The following PHF14 variants were observed in gnomAD, a reference collection of about 807,000 sequenced individuals.
PHF14 encodes the protein PHD finger protein 14.
PHF14 carries 55 observed loss-of-function variants against 117.9 expected under a neutral mutation model. The ratio of observed to expected loss-of-function variants is 0.47; its 90% CI spans 0.38 to 0.58. The LOEUF is 0.58. PHF14 is among the 20% of genes least tolerant of loss of function. The probability of loss-of-function intolerance (pLI) is 0.00; values close to 1 mark genes in which losing one functional copy is unlikely to be tolerated. For missense variants in PHF14, 978 were observed against 1,122.2 expected (o/e 0.87, Z 1.84); for synonymous variants, 409 against 368.6 (o/e 1.11, Z -1.26).
intron 4 of PHF14, among the ~76,000 whole-genome samples, chr7:11,010,391 T>C (rs1203367853): frequency 1.3e-5 from 2 of 152,082 alleles, no homozygotes; most frequent in African/African-American, 4.8e-5. Flanking sequence ...TTAAAGAAAT[T>C]AATGAGTTTT....
At chr7:11,165,018 G>C (rs1186564839) in intron 17 of PHF14, among the ~76,000 whole-genome samples, 2 of 152,058 alleles carry the variant, frequency 1.3e-5, no homozygotes, top group Non-Finnish European at 2.9e-5. Flanking sequence ...TCCACCTCCT[G>C]GGTTCAAGCG....
chr7:10,991,907 G>GTT (rs1048504850), intron 4 of PHF14, among the ~76,000 whole-genome samples: 32 of 137,720 alleles, frequency 2.3e-4, no homozygotes, highest in African/African-American at 8.5e-4. Flanking sequence ...CTTATTTCCA[G>GTT]TTTTTTTTTT....
chr7:11,016,525 A>C (rs576120057), intron 5 of PHF14, among the ~76,000 whole-genome samples: 1 of 152,276 alleles, frequency 6.6e-6, no homozygotes, highest in East Asian at 1.9e-4. Flanking sequence ...TTTATATCTT[A>C]TGGAGAGTAA....
intron 17 of PHF14, among the ~76,000 whole-genome samples, chr7:11,144,170 C>T (rs1282867296): frequency 6.6e-6 from 1 of 152,068 alleles, no homozygotes; most frequent in African/African-American, 2.4e-5. Context: ...GATGAGATTT[C>T]TCATCCCAGT....
intron 17 of PHF14, among the ~76,000 whole-genome samples, chr7:11,128,277 C>A (rs575093480): frequency 1.3e-5 from 2 of 152,090 alleles, no homozygotes; most frequent in Admixed American, 1.3e-4. Context: ...GTTTTATTCC[C>A]AGCAGACTTA....
At chr7:11,064,588 A>AT (rs1785360700) in intron 16 of PHF14, among the ~76,000 whole-genome samples, 2 of 152,046 alleles carry the variant, frequency 1.3e-5, no homozygotes, top group East Asian at 1.9e-4. Context: ...AGCAGTTTTG[A>AT]TTTTTTAAAC....
At chr7:11,148,346 T>C (rs775178065) in intron 17 of PHF14, among the ~76,000 whole-genome samples, 1 of 152,208 alleles carries the variant, frequency 6.6e-6, no homozygotes, top group Non-Finnish European at 1.5e-5. Flanking sequence ...CTGTCCCTTC[T>C]GCTGCTAATA....
chr7:11,133,479 T>A (rs1583491294), intron 17 of PHF14, among the ~76,000 whole-genome samples: 1 of 151,920 alleles, frequency 6.6e-6, no homozygotes, highest in East Asian at 1.9e-4. Context: ...ATATTTTTAA[T>A]GCAAAATGGT....
chr7:11,093,145 A>G (rs562727665), intron 16 of PHF14, among the ~76,000 whole-genome samples: 12 of 152,302 alleles, frequency 7.9e-5, no homozygotes, highest in African/African-American at 1.2e-4. Flanking sequence ...TTTATTTCCA[A>G]ATATTCGGAG....
intron 4 of PHF14, among the ~76,000 whole-genome samples, chr7:11,002,955 C>CT (rs966811367): frequency 5.1e-4 from 76 of 148,346 alleles, no homozygotes; most frequent in Middle Eastern, 6.9e-3. Flanking sequence ...ATTTTTCTTT[C>CT]TTTTTTTTTT....
At chr7:11,089,761 CTTTTTT>C (rs71023888) in intron 16 of PHF14, among the ~76,000 whole-genome samples, 4 of 97,892 alleles carry the variant, frequency 4.1e-5, no homozygotes, top group East Asian at 5.7e-4. Context: ...TTCATGCATT[CTTTTTT>C]TTTTTTTTTT....
chr7:11,013,252 C>T (rs1583365330), intron 4 of PHF14, among the ~76,000 whole-genome samples: 2 of 152,152 alleles, frequency 1.3e-5, no homozygotes, highest in African/African-American at 4.8e-5. Context: ...ACCTTTGCCT[C>T]CAGGGTTCAA....
intron 16 of PHF14, chr7:11,102,612 C>T (rs1562467269): frequency 9.0e-6 from 14 of 1,560,394 alleles, no homozygotes; most frequent in Non-Finnish European, 1.0e-5. Context: ...TAAAGGAGAA[C>T]AGCTATATTG....
intron 4 of PHF14, among the ~76,000 whole-genome samples, chr7:10,999,430 C>T (rs1225899077): frequency 6.6e-6 from 1 of 152,110 alleles, no homozygotes; most frequent in Non-Finnish European, 1.5e-5. Flanking sequence ...AATAGTAAAG[C>T]AACTCTTTTA....
intron 17 of PHF14, among the ~76,000 whole-genome samples, chr7:11,167,347 G>A (rs1789231182): frequency 1.3e-5 from 2 of 152,124 alleles, no homozygotes; most frequent in Admixed American, 1.3e-4. Flanking sequence ...TATTTTCACT[G>A]TTGTTATATA....
At chr7:11,152,917 T>C (rs1432042649) in intron 17 of PHF14, among the ~76,000 whole-genome samples, 4 of 152,170 alleles carry the variant, frequency 2.6e-5, no homozygotes, top group East Asian at 3.9e-4. Context: ...AAGAGCAGCA[T>C]GTTTGGAGCC....
chr7:10,993,150 A>G (rs1273843656), intron 4 of PHF14, among the ~76,000 whole-genome samples: 1 of 152,152 alleles, frequency 6.6e-6, no homozygotes, highest in East Asian at 1.9e-4. Flanking sequence ...TGATATTTTG[A>G]TCACTTGGTT....
intron 4 of PHF14, among the ~76,000 whole-genome samples, chr7:11,000,135 G>A (rs1247258038): frequency 2.0e-5 from 3 of 151,998 alleles, no homozygotes; most frequent in African/African-American, 7.2e-5. Flanking sequence ...TATGTTCCAA[G>A]TAAAGATGCA....
At chr7:11,168,317 A>G (rs1189170125) in intron 17 of PHF14, among the ~76,000 whole-genome samples, 1 of 152,188 alleles carries the variant, frequency 6.6e-6, no homozygotes. Flanking sequence ...TCTAAATCAC[A>G]GATTCCGTTG....
Sources: gnomAD v4.1 joint callset for allele counts (sites outside exome capture counted in the v4.1 genomes callset) on GRCh38, gnomAD v4.1.1 for gene constraint, MANE v1.5 for transcripts, NCBI Gene and HGNC (gene_info 2026-07-23, HGNC 2026-07-21) for gene names.